NAALADL2: variants seen among roughly 807,000 people sequenced by gnomAD.
NAALADL2 encodes the protein N-acetylated alpha-linked acidic dipeptidase like 2, also known as inactive N-acetylated-alpha-linked acidic dipeptidase-like protein 2.
In NAALADL2, 76 loss-of-function variants were observed where a neutral mutation model predicts 87.2. That is an observed-to-expected ratio of 0.87 (90% CI 0.72 to 1.05). The LOEUF (loss-of-function observed/expected upper bound fraction) is 1.05, where lower values mean the gene tolerates loss of function less well. Among genes scored for constraint, NAALADL2 ranks in the 50% least tolerant of loss-of-function variants. The pLI is 0.00. For missense variants in NAALADL2, 1,089 were observed against 945.8 expected, an observed-to-expected ratio of 1.15 and a Z score of -1.99; for synonymous variants, 354 against 331.0, an observed-to-expected ratio of 1.07 and a Z score of -0.75.
intron 4 of NAALADL2, among the ~76,000 whole-genome samples, chr3:175,315,611 A>G (rs1432419004): frequency 1.3e-5 from 2 of 152,168 alleles, no homozygotes; most frequent in East Asian, 1.9e-4. Context: ...TGATTATGCA[A>G]TTGTCATATA....
intron 1 of NAALADL2, among the ~76,000 whole-genome samples, chr3:175,024,918 C>G (rs1227237337): frequency 2.6e-5 from 4 of 151,986 alleles, no homozygotes; most frequent in Admixed American, 6.6e-5. Flanking sequence ...CCACCCACAC[C>G]AGGCATACAA....
chr3:175,600,780 G>A (rs1410669192), intron 10 of NAALADL2, among the ~76,000 whole-genome samples: 3 of 151,678 alleles, frequency 2.0e-5, no homozygotes, highest in Non-Finnish European at 2.9e-5. Context: ...CTCGTGATCC[G>A]CCCGCCTCGG....
chr3:175,054,382 C>T (rs1018957506), intron 1 of NAALADL2, among the ~76,000 whole-genome samples: 6 of 152,120 alleles, frequency 3.9e-5, no homozygotes, highest in African/African-American at 9.7e-5. Context: ...TATTAAGGGC[C>T]AATTTTTTGG....
At chr3:174,512,233 A>G (rs1719647295) in intron 1 of NAALADL2, among the ~76,000 whole-genome samples, 1 of 152,132 alleles carries the variant, frequency 6.6e-6, no homozygotes, top group South Asian at 2.1e-4. Flanking sequence ...AGATTGGTAA[A>G]TTGATGATTT....
intron 10 of NAALADL2, among the ~76,000 whole-genome samples, chr3:175,586,123 G>A (rs1027553481): frequency 1.3e-5 from 2 of 152,032 alleles, no homozygotes; most frequent in East Asian, 1.9e-4. Context: ...GAATTTCCAC[G>A]CCCTGTTCTT....
chr3:175,266,074 C>T (rs1190832968), intron 4 of NAALADL2, among the ~76,000 whole-genome samples: 1 of 150,456 alleles, frequency 6.6e-6, no homozygotes, highest in East Asian at 2.0e-4. Context: ...AAAGGTACTT[C>T]TTATTTACTA....
At chr3:175,109,718 CA>C (rs1476419167) in intron 2 of NAALADL2, among the ~76,000 whole-genome samples, 1 of 151,832 alleles carries the variant, frequency 6.6e-6, no homozygotes, top group Non-Finnish European at 1.5e-5. Context: ...CATTACCCAG[CA>C]ACTAACTGGT....
At chr3:175,309,531 GA>G (rs934820822) in intron 4 of NAALADL2, among the ~76,000 whole-genome samples, 43 of 147,066 alleles carry the variant, frequency 2.9e-4, no homozygotes, top group African/African-American at 7.2e-4. Flanking sequence ...TAAAATTGTA[GA>G]AAAAAAAACG....
intron 2 of NAALADL2, among the ~76,000 whole-genome samples, chr3:174,698,396 T>C (rs937952107): frequency 6.6e-6 from 1 of 152,126 alleles, no homozygotes; most frequent in Admixed American, 6.6e-5. Context: ...ACATTTCCTC[T>C]CAGGATTTTG....
intron 1 of NAALADL2, among the ~76,000 whole-genome samples, chr3:174,538,432 T>C (rs1007660023): frequency 6.6e-6 from 1 of 152,116 alleles, no homozygotes; most frequent in African/African-American, 2.4e-5. Flanking sequence ...AGACTCTTTG[T>C]AGCAATAAGA....
intron 9 of NAALADL2, among the ~76,000 whole-genome samples, chr3:175,532,963 CA>C (rs1218201820): frequency 6.6e-6 from 1 of 152,206 alleles, no homozygotes; most frequent in Non-Finnish European, 1.5e-5. Flanking sequence ...TCCATCATCC[CA>C]ATCTCCCTAA....
intron 5 of NAALADL2, among the ~76,000 whole-genome samples, chr3:175,393,146 C>T (rs972009697): frequency 1.0e-4 from 15 of 150,518 alleles, no homozygotes; most frequent in African/African-American, 2.9e-4. Context: ...CGGTGGCGGG[C>T]GCCTGTAGTC....
At chr3:174,568,218 ATAACT>A (rs775362498) in intron 2 of NAALADL2, among the ~76,000 whole-genome samples, 56 of 151,942 alleles carry the variant, frequency 3.7e-4, no homozygotes, top group Non-Finnish European at 7.4e-4. Context: ...TCACAAATTA[ATAACT>A]TAATTAAGTA....
intron 1 of NAALADL2, among the ~76,000 whole-genome samples, chr3:174,916,365 G>A (rs1199047701): frequency 6.6e-6 from 1 of 151,968 alleles, no homozygotes; most frequent in East Asian, 1.9e-4. Context: ...TCACTCCTGG[G>A]TATCTACCCA....
chr3:174,803,478 A>C (rs189353266), intron 3 of NAALADL2, among the ~76,000 whole-genome samples: 1 of 152,076 alleles, frequency 6.6e-6, no homozygotes, highest in Non-Finnish European at 1.5e-5. Flanking sequence ...TCTTTAGTTT[A>C]ATTACATCCC....
chr3:175,034,528 C>T (rs886884187), intron 1 of NAALADL2, among the ~76,000 whole-genome samples: 3 of 152,124 alleles, frequency 2.0e-5, no homozygotes, highest in African/African-American at 7.2e-5. Flanking sequence ...ACTCAAATGA[C>T]ATCTTATCAA....
At chr3:175,658,121 TACTC>T (rs560297792) in intron 11 of NAALADL2, among the ~76,000 whole-genome samples, 164 of 152,254 alleles carry the variant, frequency 1.1e-3, no homozygotes, top group African/African-American at 3.7e-3. Flanking sequence ...ATTCTGAAAT[TACTC>T]TCTCTAGTTG....
intron 9 of NAALADL2, among the ~76,000 whole-genome samples, chr3:175,557,628 T>A (rs1009862372): frequency 1.3e-5 from 2 of 152,134 alleles, no homozygotes; most frequent in African/African-American, 4.8e-5. Context: ...AATTTTTAGT[T>A]CCCACAAATA....
intron 10 of NAALADL2, among the ~76,000 whole-genome samples, chr3:175,616,735 C>T (rs1311899838): frequency 1.3e-5 from 2 of 152,218 alleles, no homozygotes; most frequent in East Asian, 3.9e-4. Flanking sequence ...ATTCCATGTT[C>T]AGTTTGTGGG....
Sources: allele counts gnomAD v4.1 joint callset (sites outside exome capture counted in the v4.1 genomes callset), GRCh38; gene constraint gnomAD v4.1.1; transcripts MANE v1.5; gene names NCBI Gene and HGNC (gene_info 2026-07-23, HGNC 2026-07-21).